Variants in INTS6 observed in about 807,000 individuals in gnomAD.
INTS6 encodes DEAD box protein.
Under a neutral mutation model 104.9 loss-of-function variants are expected in INTS6, and 16 were observed. The observed-to-expected ratio is 0.15, with a 90% confidence interval of 0.10 to 0.23. The LOEUF (loss-of-function observed/expected upper bound fraction) is 0.23, where lower values mean the gene tolerates loss of function less well. Among genes scored for constraint, INTS6 ranks in the 10% least tolerant of loss-of-function variants. The pLI, the probability that INTS6 is intolerant of heterozygous loss-of-function variation, is 1.00. For missense variants in INTS6, 584 were observed against 1,062.8 expected, an observed-to-expected ratio of 0.55 and a Z score of 6.26; for synonymous variants, 324 against 358.7, an observed-to-expected ratio of 0.90 and a Z score of 1.09.
chr13:51,340,193 C>T, the INTS6 span, among the ~76,000 whole-genome samples: 4 of 152,160 alleles, frequency 2.6e-5, no homozygotes, highest in Admixed American at 2.6e-4. Flanking sequence ...CTTCTTACAT[C>T]AGTTTGGTAT....
Position 51,452,257 on chromosome 13 carries a change from C to G in INTS6, c.111+158G>C, listed in dbSNP as rs1953076992. ...GCCCGGGCCCCGGCCGAACCCGGCT[C>G]GCAGCGCCCGCCCGCCCGCGCGGTG... On this transcript the variant is annotated intron_variant, in intron 1 of 17. Transcript: ENST00000311234. The surrounding 1 kb of genome is among the most constrained non-coding windows in gnomAD (Gnocchi z 4.2). The G allele has an allele frequency of 1.3e-6, 1 of 792,466 alleles. No individual in the cohort carries two copies. Among genetic ancestry groups the G allele is most frequent in the Non-Finnish European group, 1.6e-6 (1 of 607,122 alleles). 49.1% of individuals were successfully genotyped at this position (792,466 alleles called of 1,614,324 possible).
At chr13:51,440,842 T>C (rs1566251093) in intron 3 of INTS6, 3 of 152,358 alleles carry the variant, frequency 2.0e-5, no homozygotes, top group East Asian at 3.9e-4. Flanking sequence ...ATCTGCCTAA[T>C]GGTGCAGTTC....
intron 3 of INTS6, among the ~76,000 whole-genome samples, chr13:51,431,606 CAGTT>C (rs1957091537): frequency 6.6e-6 from 1 of 151,990 alleles, no homozygotes; most frequent in Non-Finnish European, 1.5e-5. Flanking sequence ...AATGAATTCA[CAGTT>C]AGTTATATGA....
Position 51,439,210 on chromosome 13 carries a change from T to C in INTS6, c.340-8827A>G, listed in dbSNP as rs952039291. 5.3e-5 allele frequency: 8 copies of C among 152,336 alleles called. No individual in the cohort carries two copies. In the South Asian group the frequency reaches 6.2e-4, roughly 12 times the overall value. The allele number at this position is 152,336 out of a possible 1,614,324, so 9.4% of individuals were successfully genotyped here. A position where few individuals can be genotyped will look rare whatever the true frequency, so the allele number is the denominator to read the frequency against. On this transcript the variant is annotated intron_variant, in intron 3 of 17. Coordinates refer to ENST00000311234, the MANE Select transcript of INTS6 (RefSeq NM_012141.3). Reference sequence around the variant, plus strand: ...CCCTAATAAAGTTTTATAGAAAATATAATCCTTCCAAGGACCTTCACTAGG... The same window carrying C: ...CCCTAATAAAGTTTTATAGAAAATACAATCCTTCCAAGGACCTTCACTAGG...
At chr13:51,409,777 A>G (rs571953511) in intron 4 of INTS6, among the ~76,000 whole-genome samples, 1 of 152,296 alleles carries the variant, frequency 6.6e-6, no homozygotes, top group South Asian at 2.1e-4. Flanking sequence ...CATTGAAGCA[A>G]GAAAAAGAAA....
At chr13:51,391,656 T>C (rs374390785) in intron 5 of INTS6, among the ~76,000 whole-genome samples, 9 of 152,194 alleles carry the variant, frequency 5.9e-5, no homozygotes, top group African/African-American at 2.2e-4. Context: ...GTCAAGAAGC[T>C]GTCTCACTTT....
the INTS6 span, chr13:51,347,113 C>G: frequency 6.2e-7 from 1 of 1,612,582 alleles, no homozygotes; most frequent in Admixed American, 1.7e-5. Context: ...GCACCATGTC[C>G]TTCCAAGGCA....
chr13:51,409,181 G>C (rs1956634769), intron 4 of INTS6, among the ~76,000 whole-genome samples: 1 of 150,996 alleles, frequency 6.6e-6, no homozygotes, highest in African/African-American at 2.4e-5. Flanking sequence ...ATTTCAGCTG[G>C]GCACAGTGGA....
Position 51,452,150 on chromosome 13 carries a change from C to A in INTS6, c.112-95G>T, listed in dbSNP as rs560344281. 1.1e-5 allele frequency: 12 copies of A among 1,127,698 alleles called. No homozygotes were observed. Among genetic ancestry groups the A allele is most frequent in the Non-Finnish European group, 1.3e-6 (1 of 770,506 alleles). 69.9% of individuals were successfully genotyped at this position (1,127,698 alleles called of 1,614,324 possible). A position where few individuals can be genotyped will look rare whatever the true frequency, so the allele number is the denominator to read the frequency against. Reference sequence around the variant, plus strand: ...GGGCGCCCAGCGGCCCCGCCGCCCCCACAGTACCGCACACGCAGCGGCCAC... The same window carrying A: ...GGGCGCCCAGCGGCCCCGCCGCCCCAACAGTACCGCACACGCAGCGGCCAC... On this transcript the variant is annotated intron_variant, in intron 1 of 17. Coordinates refer to ENST00000311234, the MANE Select transcript of INTS6 (RefSeq NM_012141.3). The surrounding 1 kb of genome is among the most constrained non-coding windows in gnomAD (Gnocchi z 4.2).
At chr13:51,397,138 T>C (rs1183484180) in intron 4 of INTS6, among the ~76,000 whole-genome samples, 5 of 152,210 alleles carry the variant, frequency 3.3e-5, no homozygotes, top group Non-Finnish European at 7.3e-5. Flanking sequence ...CCTAATTGTA[T>C]TGTGTACAGC....
At chr13:51,427,719 G>A (rs528325111) in intron 4 of INTS6, among the ~76,000 whole-genome samples, 2 of 152,038 alleles carry the variant, frequency 1.3e-5, no homozygotes, top group South Asian at 2.1e-4. Context: ...AAGGTGCAAC[G>A]GTAATCAATT....
At chr13:51,445,759 G>T (rs933519289) in intron 3 of INTS6, 1 of 152,188 alleles carries the variant, frequency 6.6e-6, no homozygotes, top group South Asian at 2.1e-4. Context: ...TTTGACAGGA[G>T]AGTGCCCTCT....
the INTS6 span, among the ~76,000 whole-genome samples, chr13:51,334,531 T>C: frequency 6.6e-6 from 1 of 152,208 alleles, no homozygotes. Context: ...GATTAATCAA[T>C]AGATTAAGTG....
chr13:51,443,530 G>C (rs1952836359), intron 3 of INTS6: 1 of 151,996 alleles, frequency 6.6e-6, no homozygotes, highest in Non-Finnish European at 1.5e-5. Context: ...TAGACTAATA[G>C]TAAGACTAAA....
intron 4 of INTS6, among the ~76,000 whole-genome samples, chr13:51,422,790 C>A (rs536503702): frequency 2.0e-5 from 3 of 152,272 alleles, no homozygotes; most frequent in Admixed American, 6.5e-5. Flanking sequence ...ACCTACATTT[C>A]AAGCTTCTAC....
chr13:51,407,578 A>C (rs1956593523), intron 4 of INTS6, among the ~76,000 whole-genome samples: 1 of 152,234 alleles, frequency 6.6e-6, no homozygotes, highest in Non-Finnish European at 1.5e-5. Flanking sequence ...TACAGAGGAA[A>C]AAATATAGAA....
At chr13:51,426,565 C>T (rs1387127113) in intron 4 of INTS6, among the ~76,000 whole-genome samples, 1 of 144,832 alleles carries the variant, frequency 6.9e-6, no homozygotes, top group Non-Finnish European at 1.6e-5. Flanking sequence ...AGTACTCCCA[C>T]ACACTTAGTA....
At chr13:51,396,211 C>G (rs906448189) in intron 4 of INTS6, among the ~76,000 whole-genome samples, 4 of 152,132 alleles carry the variant, frequency 2.6e-5, no homozygotes, top group African/African-American at 9.7e-5. Context: ...CTTTACAGCT[C>G]TTAATATTTT....
the INTS6 span, chr13:51,348,162 A>C: frequency 2.8e-6 from 4 of 1,425,164 alleles, no homozygotes; most frequent in African/African-American, 5.7e-5. Context: ...ACACTGGTTC[A>C]TTCTCCTGGC....
Sources: gnomAD v4.1 joint callset for allele counts (sites outside exome capture counted in the v4.1 genomes callset) on GRCh38, gnomAD v4.1.1 for gene constraint, Gnocchi (gnomAD v3.1) non-coding constraint, MANE v1.5 for transcripts, NCBI Gene and HGNC (gene_info 2026-07-23, HGNC 2026-07-21) for gene names.